NECTIN3: variants seen among roughly 807,000 people sequenced by gnomAD.
NECTIN3 encodes the protein nectin cell adhesion molecule 3.
NECTIN3 carries 8 observed loss-of-function variants against 49.4 expected under a neutral mutation model. The ratio of observed to expected loss-of-function variants is 0.16; its 90% confidence interval spans 0.10 to 0.29. The LOEUF is 0.29. Among genes scored for constraint, NECTIN3 ranks in the 10% least tolerant of loss-of-function variants. The pLI is 1.00. For synonymous variants in NECTIN3, 277 were observed against 241.1 expected, an observed-to-expected ratio of 1.15 and a Z score of -1.38; for missense variants, 581 against 654.6, an observed-to-expected ratio of 0.89 and a Z score of 1.23.
intron 2 of NECTIN3, among the ~76,000 whole-genome samples, chr3:111,114,429 G>A (rs530427102): frequency 1.3e-5 from 2 of 151,968 alleles, no homozygotes; most frequent in Non-Finnish European, 2.9e-5. Context: ...TATCTTTATT[G>A]TAGCAGTTAC....
At chr3:111,096,766 C>T (rs937557845) in intron 1 of NECTIN3, among the ~76,000 whole-genome samples, 2 of 152,116 alleles carry the variant, frequency 1.3e-5, no homozygotes, top group African/African-American at 4.8e-5. Flanking sequence ...GTTGAGCCTG[C>T]GGGTGCACAG....
downstream of NECTIN3, among the ~76,000 whole-genome samples, chr3:111,139,966 A>G (rs1038794270): frequency 2.0e-4 from 30 of 151,958 alleles, no homozygotes; most frequent in South Asian, 6.2e-4. Flanking sequence ...TATTACTAAA[A>G]CATTTTTGGT....
At chr3:111,086,053 A>T (rs545512459) in intron 1 of NECTIN3, among the ~76,000 whole-genome samples, 1 of 152,214 alleles carries the variant, frequency 6.6e-6, no homozygotes, top group African/African-American at 2.4e-5. Flanking sequence ...TAATTCCTTA[A>T]TGATTGAGAT....
chr3:111,099,691 G>A (rs1022230844), intron 1 of NECTIN3, among the ~76,000 whole-genome samples: 4 of 152,012 alleles, frequency 2.6e-5, no homozygotes, highest in Admixed American at 6.6e-5. Context: ...CACCAGCCTC[G>A]CAAAGTCTAA....
chr3:111,191,710 T>C (rs150358596), upstream of NECTIN3, among the ~76,000 whole-genome samples: 20 of 152,204 alleles, frequency 1.3e-4, no homozygotes, highest in African/African-American at 4.8e-4. Context: ...CCAAACCACT[T>C]TTACCTGATT....
rs1311325016 is a variant in NECTIN3, at chr3:111,135,941, T to C, written c.*1726T>C. ...GATACAGATAAATAAAGTTCACTTA[T>C]ATCTTCTTACAAATGTCTGGGTTTT... On this transcript the variant is annotated 3_prime_UTR_variant, in exon 6 of 6. Coordinates refer to ENST00000485303, the MANE Select transcript of NECTIN3 (RefSeq NM_015480.3). 3 of 925,450 alleles carry C rather than the reference T, an allele frequency of 3.2e-6. No individual in the cohort carries two copies. Among genetic ancestry groups the C allele is most frequent in the Non-Finnish European group, 3.9e-6 (3 of 776,024 alleles). The allele number at this position is 925,450 out of a possible 1,614,324, so 57.3% of individuals were successfully genotyped here.
intron 2 of NECTIN3, among the ~76,000 whole-genome samples, chr3:111,115,207 G>A (rs2033641685): frequency 6.6e-6 from 1 of 152,150 alleles, no homozygotes; most frequent in African/African-American, 2.4e-5. Context: ...AGTTAGTGGG[G>A]AATCACCCCC....
chr3:111,161,612 A>G (rs1364996408), intron 7 of NECTIN3, among the ~76,000 whole-genome samples: 2 of 152,164 alleles, frequency 1.3e-5, no homozygotes, highest in Non-Finnish European at 2.9e-5. Flanking sequence ...TCATAGGAGC[A>G]CAAACTCTGC....
chr3:111,173,187 ATC>A (rs1335352177), intron 7 of NECTIN3, among the ~76,000 whole-genome samples: 2 of 152,186 alleles, frequency 1.3e-5, no homozygotes, highest in African/African-American at 2.4e-5. Flanking sequence ...AAGATGCTTC[ATC>A]TCTGTGAACA....
chr3:111,126,406 C>A, intron 5 of NECTIN3, 71 bp downstream of exon 5: 1 of 1,279,734 alleles, frequency 7.8e-7, no homozygotes, highest in Non-Finnish European at 1.1e-6. Flanking sequence ...CAATATGATC[C>A]TAAGCAATAA....
At chr3:111,127,150 C>T (rs1168098103) in intron 5 of NECTIN3, among the ~76,000 whole-genome samples, 2 of 152,120 alleles carry the variant, frequency 1.3e-5, no homozygotes, top group African/African-American at 4.8e-5. Flanking sequence ...ACCTAAGAAA[C>T]TCAGGTTTGT....
intron 5 of NECTIN3, 119 bp from the exon 6 acceptor site, chr3:111,133,516 T>C: frequency 7.4e-7 from 1 of 1,358,670 alleles, no homozygotes. Context: ...AATGAAAAAC[T>C]ATTGTTACTA....
At chr3:111,123,528 G>C (rs1344200187) in intron 4 of NECTIN3, among the ~76,000 whole-genome samples, 1 of 152,146 alleles carries the variant, frequency 6.6e-6, no homozygotes, top group African/African-American at 2.4e-5. Flanking sequence ...TAATAGAAGA[G>C]TGGAAGTCTT....
chr3:111,145,288 AG>A (rs2034846806), intron 6 of NECTIN3, among the ~76,000 whole-genome samples: 2 of 152,212 alleles, frequency 1.3e-5, no homozygotes, highest in Non-Finnish European at 2.9e-5. Context: ...ATCTTTATAA[AG>A]GGTAACATAG....
chr3:111,121,906 A>G (rs2033972017), intron 3 of NECTIN3, among the ~76,000 whole-genome samples: 1 of 152,138 alleles, frequency 6.6e-6, no homozygotes, highest in African/African-American at 2.4e-5. Flanking sequence ...ATGTAGTAGA[A>G]TTGCCTGTTT....
intron 1 of NECTIN3, among the ~76,000 whole-genome samples, chr3:111,083,403 G>T (rs1351320876): frequency 6.6e-6 from 1 of 152,134 alleles, no homozygotes; most frequent in Non-Finnish European, 1.5e-5. Context: ...TTTAGATGAG[G>T]TCAGGAGGGT....
chr3:111,184,262 G>T (rs900581850), intron 7 of NECTIN3, among the ~76,000 whole-genome samples: 2 of 151,974 alleles, frequency 1.3e-5, no homozygotes, highest in East Asian at 3.8e-4. Flanking sequence ...ATTTATAATA[G>T]CCATTTTAAA....
At chr3:111,083,760 T>A (rs1049529857) in intron 1 of NECTIN3, among the ~76,000 whole-genome samples, 13 of 152,016 alleles carry the variant, frequency 8.6e-5, no homozygotes, top group African/African-American at 3.1e-4. Flanking sequence ...TGAAAGAAGG[T>A]AGGCAACTAG....
chr3:111,096,540 AC>A (rs2032593796), intron 1 of NECTIN3, among the ~76,000 whole-genome samples: 1 of 152,122 alleles, frequency 6.6e-6, no homozygotes, highest in Admixed American at 6.6e-5. Context: ...CATGTCAGAG[AC>A]CTCTGCAGCA....
Sources: allele counts gnomAD v4.1 joint callset (sites outside exome capture counted in the v4.1 genomes callset), GRCh38; gene constraint gnomAD v4.1.1; transcripts MANE v1.5; gene names NCBI Gene and HGNC (gene_info 2026-07-23, HGNC 2026-07-21).